The following UPP1 variants were observed in gnomAD, a reference collection of about 807,000 sequenced individuals.
UPP1 encodes the protein UPase 1.
A neutral mutation model predicts 29.6 loss-of-function variants in UPP1; 25 were observed. That is an observed-to-expected ratio of 0.85 (90% CI 0.62 to 1.18). The LOEUF is 1.18. Ranked by LOEUF, UPP1 falls within the 50% of genes most tolerant of loss-of-function variation. The pLI, the probability that UPP1 is intolerant of heterozygous loss-of-function variation, is 0.00. For missense variants in UPP1, 368 were observed against 410.4 expected, an observed-to-expected ratio of 0.90 and a Z score of 0.89; for synonymous variants, 165 against 159.8, an observed-to-expected ratio of 1.03 and a Z score of -0.25.
Position 48,103,390 on chromosome 7 carries a change from A to T in UPP1, c.415A>T (p.Ile139Phe), listed in dbSNP as rs201545473. Reference sequence around the variant, plus strand: ...GTGCTCCAACGTCACTATCATCCGCATTGGCACTTCTGGTGGGATAGGTAA... The same window carrying T: ...GTGCTCCAACGTCACTATCATCCGCTTTGGCACTTCTGGTGGGATAGGTAA... ...ARCSNVTIIR[I>F]GTSGGIGLEP... The change falls in exon 6 of 9, where the codon ATT (isoleucine) becomes TTT (phenylalanine). Residue 139 changes from isoleucine to phenylalanine, a missense_variant. Ile to Phe is a conservative substitution (Grantham distance 21). Coordinates refer to ENST00000395564, the MANE Select transcript of UPP1 (RefSeq NM_003364.4). 3.8e-5 allele frequency: 62 copies of T among 1,613,666 alleles called. No individual in the cohort carries two copies. Among genetic ancestry groups the T allele is most frequent in the Non-Finnish European group, 4.1e-5 (48 of 1,179,778 alleles).
At chr7:48,092,453 G>C (rs1183665366) in intron 2 of UPP1, among the ~76,000 whole-genome samples, 1 of 152,058 alleles carries the variant, frequency 6.6e-6, no homozygotes, top group Non-Finnish European at 1.5e-5. Flanking sequence ...GGGAGAGGTA[G>C]CTCTGCCTAT....
intron 1 of UPP1, 126 bp from the exon 2 acceptor site, chr7:48,090,062 C>T (rs1791738293): frequency 1.3e-5 from 2 of 152,186 alleles, no homozygotes; most frequent in Admixed American, 6.5e-5. Flanking sequence ...AAAATATTGT[C>T]ATCGAGTTAT....
intron 6 of UPP1, chr7:48,105,238 T>A (rs938427127): frequency 3.3e-5 from 5 of 152,262 alleles, no homozygotes; most frequent in Admixed American, 3.3e-4. Context: ...GCTTGACCAC[T>A]CCAGGCCCTG....
At chr7:48,096,673 A>G (rs1026231746) in intron 3 of UPP1, among the ~76,000 whole-genome samples, 16 of 152,180 alleles carry the variant, frequency 1.1e-4, no homozygotes, top group African/African-American at 3.6e-4. Flanking sequence ...TGGAATCAGA[A>G]GCCAGTTTTC....
intron 4 of UPP1, among the ~76,000 whole-genome samples, chr7:48,100,720 A>C (rs1304690006): frequency 6.6e-6 from 1 of 152,200 alleles, no homozygotes; most frequent in Non-Finnish European, 1.5e-5. Flanking sequence ...CAATAGTGTT[A>C]TGTCTTATCA....
chr7:48,106,114 T>G (rs1792717791), intron 6 of UPP1: 1 of 152,372 alleles, frequency 6.6e-6, no homozygotes, highest in Non-Finnish European at 1.5e-5. Flanking sequence ...TTCATTATAC[T>G]GTTCTAGTCT....
Position 48,108,101 on chromosome 7 carries a change from C to G in UPP1, c.794-117C>G, listed in dbSNP as rs1484786568. The G allele has an allele frequency of 9.6e-6, 14 of 1,462,890 alleles. No individual in the cohort carries two copies. The East Asian group carries it at 2.8e-4, about 29-fold the overall frequency. 90.6% of individuals were successfully genotyped at this position (1,462,890 alleles called of 1,614,324 possible). On this transcript the variant is annotated intron_variant, in intron 8 of 8. Coordinates refer to ENST00000395564, the MANE Select transcript of UPP1 (RefSeq NM_003364.4). ...GGCCCCGCCTGACTGCATGGGCAGCCTGGTTTCCTGAGGAGGCAGAGAGGC... is the reference window on the plus strand; with the variant it reads ...GGCCCCGCCTGACTGCATGGGCAGCGTGGTTTCCTGAGGAGGCAGAGAGGC...
chr7:48,096,094 G>C (rs1792115791), intron 3 of UPP1, among the ~76,000 whole-genome samples: 1 of 152,208 alleles, frequency 6.6e-6, no homozygotes, highest in South Asian at 2.1e-4. Flanking sequence ...AGGCTGGTGG[G>C]GGTGGAGGGG....
At chr7:48,092,133 A>C (rs1482314906) in intron 2 of UPP1, among the ~76,000 whole-genome samples, 1 of 152,064 alleles carries the variant, frequency 6.6e-6, no homozygotes, top group East Asian at 1.9e-4. Flanking sequence ...CCCTCCCATT[A>C]GCTCCCTACC....
At chr7:48,103,456 A>C in intron 6 of UPP1, 45 bp downstream of exon 6, 1 of 1,524,792 alleles carries the variant, frequency 6.6e-7, no homozygotes, top group Non-Finnish European at 9.1e-7. Context: ...TGGATGAGGG[A>C]CTGGGGCATG....
chr7:48,091,164 GA>G (rs1387488042), intron 2 of UPP1, among the ~76,000 whole-genome samples: 1 of 151,656 alleles, frequency 6.6e-6, no homozygotes, highest in East Asian at 1.9e-4. Flanking sequence ...ATTTGCTTTT[GA>G]AATATGTTCA....
chr7:48,103,908 T>C (rs942341632), intron 6 of UPP1: 1 of 1,259,950 alleles, frequency 7.9e-7, no homozygotes, highest in African/African-American at 1.6e-5. Flanking sequence ...ACAGGGACAT[T>C]TTTTTTTTGT....
intron 2 of UPP1, among the ~76,000 whole-genome samples, chr7:48,093,960 G>C (rs1317549777): frequency 2.0e-5 from 3 of 152,180 alleles, no homozygotes; most frequent in Non-Finnish European, 1.5e-5. Flanking sequence ...AGCAGTTCGA[G>C]AACAGCCTGC....
rs934842669 is a variant in UPP1, at chr7:48,101,822, A to G, written c.163-2A>G. ...ATGGGGGTCTCTCTTCTCTGGCTGC[A>G]GTTTGTGTGTGTTGGTGGAAGCCCC... On this transcript the variant is annotated splice_acceptor_variant, in intron 4 of 8. Coordinates refer to ENST00000395564, the MANE Select transcript of UPP1 (RefSeq NM_003364.4). LOFTEE classifies it high-confidence loss of function. 10 of 1,613,272 alleles carry G rather than the reference A, an allele frequency of 6.2e-6. No individual in the cohort carries two copies. Among genetic ancestry groups the G allele is most frequent in the Non-Finnish European group, 7.6e-6 (9 of 1,179,768 alleles).
At chr7:48,103,197 A>C (rs1792526873) in intron 5 of UPP1, 100 bp from the exon 6 acceptor site, 1 of 833,574 alleles carries the variant, frequency 1.2e-6, no homozygotes, top group Admixed American at 2.0e-5. Context: ...TCACTATGTC[A>C]ATGGGCATGT....
At chr7:48,101,736 A>T in intron 4 of UPP1, 88 bp from the exon 5 acceptor site, 1 of 1,399,032 alleles carries the variant, frequency 7.1e-7, no homozygotes, top group Non-Finnish European at 9.7e-7. Context: ...GTTCATTGGT[A>T]ATACTGATGT....
chr7:48,104,878 A>G (rs1409409465), intron 6 of UPP1: 1 of 152,230 alleles, frequency 6.6e-6, no homozygotes, highest in Non-Finnish European at 1.5e-5. Flanking sequence ...TTTTAAAACA[A>G]TGATCAGATA....
intron 6 of UPP1, 47 bp from the exon 7 acceptor site, chr7:48,106,826 A>G: frequency 2.5e-6 from 4 of 1,594,128 alleles, no homozygotes; most frequent in Non-Finnish European, 3.4e-6. Flanking sequence ...CTTTAATTTT[A>G]TTTTGTTTTA....
At chr7:48,103,060 A>G (rs1792518886) in intron 5 of UPP1, among the ~76,000 whole-genome samples, 1 of 152,202 alleles carries the variant, frequency 6.6e-6, no homozygotes, top group Non-Finnish European at 1.5e-5. Context: ...CTGGGTCCGC[A>G]GCTGTTACCT....
Sources: allele counts gnomAD v4.1 joint callset (sites outside exome capture counted in the v4.1 genomes callset), GRCh38; gene constraint gnomAD v4.1.1; transcripts MANE v1.5; gene names NCBI Gene and HGNC (gene_info 2026-07-23, HGNC 2026-07-21).